MLLT3: variants seen among roughly 807,000 people sequenced by gnomAD.
The protein encoded by MLLT3 is MLLT3 super elongation complex subunit, also known as protein AF-9.
Under a neutral mutation model 53.2 loss-of-function variants are expected in MLLT3, and 4 were observed. The observed-to-expected ratio is 0.08, with a 90% CI of 0.04 to 0.17. The LOEUF (loss-of-function observed/expected upper bound fraction) is 0.17. Among genes scored for constraint, MLLT3 ranks in the 10% least tolerant of loss-of-function variants. The pLI is 1.00. For synonymous variants in MLLT3, 283 were observed against 230.6 expected (o/e 1.23, Z -2.06); for missense variants, 569 against 684.0 (o/e 0.83, Z 1.87).
chr9:20,536,880 A>G (rs564012542), intron 2 of MLLT3, among the ~76,000 whole-genome samples: 6 of 152,108 alleles, frequency 3.9e-5, no homozygotes, highest in East Asian at 1.9e-4. Context: ...CAACAAGCAC[A>G]TACTGTGCAG....
At chr9:20,365,856 T>C in intron 5 of MLLT3, 112 bp from the exon 6 acceptor site, 1 of 987,276 alleles carries the variant, frequency 1.0e-6, no homozygotes, top group Non-Finnish European at 1.5e-6. Flanking sequence ...GTGATGCATT[T>C]CATTATGTCA....
At chr9:20,551,313 G>C (rs147323061) in intron 2 of MLLT3, among the ~76,000 whole-genome samples, 4 of 152,230 alleles carry the variant, frequency 2.6e-5, no homozygotes, top group African/African-American at 7.2e-5. Flanking sequence ...TGGCCTCTGT[G>C]ACTCTTTAAT....
In MLLT3 at chr9:20,448,346, T is replaced by C; in HGVS notation, c.277-80A>G. The C allele has an allele frequency of 7.3e-7, 1 of 1,363,144 alleles. No individual in the cohort carries two copies. Among genetic ancestry groups the C allele is most frequent in the Middle Eastern group, 2.1e-4 (1 of 4,860 alleles). 84.4% of individuals were successfully genotyped at this position (1,363,144 alleles called of 1,614,324 possible). A position where few individuals can be genotyped will look rare whatever the true frequency, so the allele number is the denominator to read the frequency against. ...TTTAAAAGCAAAAATTTACTCCTCATAAGAAATAGAAAAGAACTAAGACAT... is the reference window on the plus strand; with the variant it reads ...TTTAAAAGCAAAAATTTACTCCTCACAAGAAATAGAAAAGAACTAAGACAT... On this transcript the variant is annotated intron_variant, in intron 3 of 10. Coordinates refer to ENST00000380338, the MANE Select transcript of MLLT3 (RefSeq NM_004529.4). The surrounding 1 kb of genome is among the most constrained non-coding windows in gnomAD (Gnocchi z 4.0).
intron 2 of MLLT3, among the ~76,000 whole-genome samples, chr9:20,519,449 G>A (rs530493946): frequency 6.6e-6 from 1 of 152,228 alleles, no homozygotes; most frequent in African/African-American, 2.4e-5. Context: ...ATGGAAGCAT[G>A]TCATTATATT....
intron 2 of MLLT3, among the ~76,000 whole-genome samples, chr9:20,599,021 G>A (rs1047224870): frequency 1.3e-5 from 2 of 152,114 alleles, no homozygotes; most frequent in African/African-American, 2.4e-5. Flanking sequence ...TTTTCTTTGA[G>A]TAGGCCAGGC....
intron 2 of MLLT3, among the ~76,000 whole-genome samples, chr9:20,527,137 A>G (rs922846372): frequency 3.3e-5 from 5 of 152,208 alleles, no homozygotes; most frequent in African/African-American, 4.8e-5. Context: ...TAACCAGCCT[A>G]TGAGTGTTCT....
chr9:20,604,839 C>T (rs758674390), intron 2 of MLLT3, among the ~76,000 whole-genome samples: 1 of 152,094 alleles, frequency 6.6e-6, no homozygotes, highest in Non-Finnish European at 1.5e-5. Flanking sequence ...AGTACGTTTA[C>T]TTGACAAGCT....
chr9:20,573,440 A>G (rs1209272818), intron 2 of MLLT3, among the ~76,000 whole-genome samples: 1 of 152,166 alleles, frequency 6.6e-6, no homozygotes, highest in East Asian at 1.9e-4. Context: ...TCAGCCTCCC[A>G]AAGTGCTGGG....
intron 2 of MLLT3, among the ~76,000 whole-genome samples, chr9:20,587,186 CA>C (rs11393182): frequency 0.022 from 2,315 of 106,174 alleles, 38 homozygotes; most frequent in African/African-American, 0.075. Flanking sequence ...ATAGCTAGGC[CA>C]AAAAAAAAAA....
At chr9:20,529,288 T>C (rs1818271774) in intron 2 of MLLT3, among the ~76,000 whole-genome samples, 1 of 152,204 alleles carries the variant, frequency 6.6e-6, no homozygotes, top group Non-Finnish European at 1.5e-5. Flanking sequence ...TAAACTGTTT[T>C]TGGTTTGTTT....
intron 2 of MLLT3, among the ~76,000 whole-genome samples, chr9:20,549,019 T>C (rs1478674807): frequency 2.0e-5 from 3 of 152,114 alleles, no homozygotes; most frequent in Non-Finnish European, 4.4e-5. Flanking sequence ...TTCACCATGT[T>C]GCCCAGGTGG....
chr9:20,548,082 A>T (rs1818836890), intron 2 of MLLT3, among the ~76,000 whole-genome samples: 1 of 152,258 alleles, frequency 6.6e-6, no homozygotes, highest in Non-Finnish European at 1.5e-5. Context: ...GAAAAGGTAG[A>T]TTCACATACC....
At chr9:20,567,448 C>G (rs1011705910) in intron 2 of MLLT3, among the ~76,000 whole-genome samples, 3 of 152,018 alleles carry the variant, frequency 2.0e-5, no homozygotes, top group Admixed American at 2.0e-4. Context: ...CCACCCCAAG[C>G]TATAGTGAGC....
intron 8 of MLLT3, among the ~76,000 whole-genome samples, chr9:20,358,719 AAGG>A (rs1293866470): frequency 6.6e-6 from 1 of 151,990 alleles, no homozygotes; most frequent in African/African-American, 2.4e-5. Context: ...AGAGATACTG[AAGG>A]AGATGAGTGA....
At chr9:20,582,612 T>C (rs1819823720) in intron 2 of MLLT3, among the ~76,000 whole-genome samples, 1 of 152,210 alleles carries the variant, frequency 6.6e-6, no homozygotes, top group African/African-American at 2.4e-5. Flanking sequence ...GAGGTTTAAT[T>C]GGACTTACAG....
At chr9:20,491,376 A>G (rs1824942981) in intron 2 of MLLT3, among the ~76,000 whole-genome samples, 1 of 152,138 alleles carries the variant, frequency 6.6e-6, no homozygotes, top group African/African-American at 2.4e-5. Flanking sequence ...AACTATATAC[A>G]GTACCACACT....
At chr9:20,556,266 T>C (rs530769946) in intron 2 of MLLT3, among the ~76,000 whole-genome samples, 3 of 152,222 alleles carry the variant, frequency 2.0e-5, no homozygotes, top group Non-Finnish European at 4.4e-5. Flanking sequence ...TACTTCTGGA[T>C]TAAATAATCC....
intron 5 of MLLT3, among the ~76,000 whole-genome samples, chr9:20,383,800 T>C (rs1251956035): frequency 1.3e-5 from 2 of 151,908 alleles, no homozygotes; most frequent in Admixed American, 6.6e-5. Context: ...CTCTGAAACT[T>C]CTCCTGGAGA....
In MLLT3 at chr9:20,343,805, C is replaced by T. The variant is rs1193323225; in HGVS notation, c.*2638G>A. The T allele has an allele frequency of 9.4e-6, 2 of 212,256 alleles. No homozygotes were observed. Among genetic ancestry groups the T allele is most frequent in the Admixed American group, 5.9e-5 (1 of 16,988 alleles). The allele number at this position is 212,256 out of a possible 1,614,324, so 13.1% of individuals were successfully genotyped here. A position where few individuals can be genotyped will look rare whatever the true frequency, so the allele number is the denominator to read the frequency against. On this transcript the variant is annotated 3_prime_UTR_variant, in exon 11 of 11. Coordinates refer to ENST00000380338, the MANE Select transcript of MLLT3 (RefSeq NM_004529.4). Reference sequence around the variant, plus strand: ...ACCAGAGCCACTGTTAGGGTACTCACATGTCAAAGATATTCTTAATAGGCT... The same window carrying T: ...ACCAGAGCCACTGTTAGGGTACTCATATGTCAAAGATATTCTTAATAGGCT...
Sources: allele counts gnomAD v4.1 joint callset (sites outside exome capture counted in the v4.1 genomes callset), GRCh38; gene constraint gnomAD v4.1.1; non-coding constraint Gnocchi (gnomAD v3.1); transcripts MANE v1.5; gene names NCBI Gene and HGNC (gene_info 2026-07-23, HGNC 2026-07-21).